Variants in DOCK2 observed in about 807,000 individuals in gnomAD.
DOCK2 encodes dedicator of cytokinesis 2, also known as dedicator of cytokinesis protein 2.
A neutral mutation model predicts 248.9 loss-of-function variants in DOCK2; 87 were observed. That is an observed-to-expected ratio of 0.35 (90% confidence interval 0.29 to 0.42). The LOEUF is 0.42. Ranked by LOEUF, DOCK2 falls within the 10% of genes least tolerant of loss-of-function variation. DOCK2 has a pLI of 1.00. For synonymous variants in DOCK2, 805 were observed against 821.6 expected, an observed-to-expected ratio of 0.98 and a Z score of 0.35; for missense variants, 1,747 against 2,300.2, an observed-to-expected ratio of 0.76 and a Z score of 4.92.
At chr5:169,664,561 T>A (rs1448164783) in intron 2 of DOCK2, among the ~76,000 whole-genome samples, 1 of 152,208 alleles carries the variant, frequency 6.6e-6, no homozygotes, top group Non-Finnish European at 1.5e-5. Flanking sequence ...GACTTGCAGT[T>A]CTGCATGGCT....
Position 169,764,658 on chromosome 5 carries a change from G to A in DOCK2, c.2554+3033G>A, listed in dbSNP as rs73320187. Among the ~76,000 whole-genome samples, 13,979 of 152,220 alleles carry A rather than the reference G, an allele frequency of 0.092. 1,139 individuals carry two copies. Among genetic ancestry groups the A allele is most frequent in the Admixed American group, 0.28 (4,227 of 15,272 alleles). On this transcript the variant is annotated intron_variant, in intron 25 of 51. Transcript: ENST00000520908. The surrounding 1 kb of genome is among the most constrained non-coding windows in gnomAD (Gnocchi z 4.3). ...AATTGTTATTATTGGTGTTGTGGTT[G>A]TTTTTCCTGCTGATCCCAATTTCCG...
At chr5:169,955,646 G>A (rs537634020) in intron 27 of DOCK2, among the ~76,000 whole-genome samples, 42 of 152,352 alleles carry the variant, frequency 2.8e-4, no homozygotes, top group Non-Finnish European at 5.4e-4. Context: ...TGCAGGAGAA[G>A]AAGGCAGGCA....
chr5:169,801,851 T>C (rs1394010183), intron 25 of DOCK2, among the ~76,000 whole-genome samples: 24 of 152,016 alleles, frequency 1.6e-4, no homozygotes. Flanking sequence ...CTGTCAGTTT[T>C]TAAGTACCTA....
intron 7 of DOCK2, among the ~76,000 whole-genome samples, chr5:169,683,137 C>A (rs573362454): frequency 1.3e-5 from 2 of 152,314 alleles, no homozygotes; most frequent in South Asian, 4.1e-4. Context: ...TCCTTTTGGG[C>A]AATACTTAGC....
At chr5:169,981,044 C>A (rs1195214136) in intron 27 of DOCK2, among the ~76,000 whole-genome samples, 3 of 152,130 alleles carry the variant, frequency 2.0e-5, no homozygotes, top group Non-Finnish European at 4.4e-5. Flanking sequence ...ATGACAGACC[C>A]CTTGCTTAGA....
chr5:169,916,255 A>G (rs1774870130), intron 27 of DOCK2, among the ~76,000 whole-genome samples: 1 of 152,202 alleles, frequency 6.6e-6, no homozygotes, highest in Non-Finnish European at 1.5e-5. Context: ...GTGGGACAAA[A>G]TAATTCTAGG....
chr5:170,006,721 G>T lies in DOCK2; in HGVS notation c.3073-1776G>T, dbSNP rs759395800. ...CAAAATGTAAACTGCGTGAGGCCAG[G>T]GATCGCTGTCTGTGTAACCACTGCT... On this transcript the variant is annotated intron_variant, in intron 30 of 51. Transcript: ENST00000520908. Among the ~76,000 whole-genome samples, 58 of 152,298 alleles carry T rather than the reference G, an allele frequency of 3.8e-4. No homozygotes were observed. The Middle Eastern group carries it at 0.02, about 54-fold the overall frequency.
At chr5:169,883,224 C>T (rs1368528859) in intron 27 of DOCK2, 2 of 1,551,582 alleles carry the variant, frequency 1.3e-6, no homozygotes, top group South Asian at 2.4e-5. Context: ...CTTCAGCTGA[C>T]CTGTCTGGGC....
At chr5:170,070,277 A>C (rs1006302052) in intron 46 of DOCK2, among the ~76,000 whole-genome samples, 2 of 152,260 alleles carry the variant, frequency 1.3e-5, no homozygotes, top group Non-Finnish European at 2.9e-5. Context: ...AAAGAAAAGC[A>C]AGCTTTTGTG....
At chr5:169,893,354 GA>G (rs558260233) in intron 27 of DOCK2, among the ~76,000 whole-genome samples, 2 of 152,248 alleles carry the variant, frequency 1.3e-5, no homozygotes, top group South Asian at 4.2e-4. Context: ...GCTTCTCATA[GA>G]AGAAAGGGCA....
intron 27 of DOCK2, among the ~76,000 whole-genome samples, chr5:169,971,933 A>G (rs530954498): frequency 1.3e-5 from 2 of 152,322 alleles, no homozygotes; most frequent in South Asian, 2.1e-4. Flanking sequence ...AATATGAAGC[A>G]GCAATTTCTC....
At chr5:169,970,385 G>T (rs1199025079) in intron 27 of DOCK2, among the ~76,000 whole-genome samples, 1 of 152,230 alleles carries the variant, frequency 6.6e-6, no homozygotes, top group African/African-American at 2.4e-5. Flanking sequence ...TTTATCCTGG[G>T]CATCTGGACA....
At position 169,801,164 on chromosome 5, in the gene DOCK2, T is replaced by G. The variant is rs796542671; in HGVS notation, c.2555-1894T>G. Among the ~76,000 whole-genome samples the G allele has an allele frequency of 9.5e-4, 100 of 105,042 alleles. 2 individuals carry two copies. The highest frequency in any genetic ancestry group is 4.4e-3 in the African/African-American group (90 of 20,658). The allele number at this position is 105,042 out of a possible 152,430, so 68.9% of individuals were successfully genotyped here. Reference sequence around the variant, plus strand: ...GTTTTGGGTTTTTTTTTTTTTTTTTTTTTTTTTTTTTTTTTTTAGTAGACT... The same window carrying G: ...GTTTTGGGTTTTTTTTTTTTTTTTTGTTTTTTTTTTTTTTTTTAGTAGACT... On this transcript the variant is annotated intron_variant, in intron 25 of 51. Coordinates refer to ENST00000520908, the MANE Select transcript of DOCK2 (RefSeq NM_004946.3).
intron 27 of DOCK2, among the ~76,000 whole-genome samples, chr5:169,944,297 C>G (rs1230924615): frequency 6.6e-6 from 1 of 152,180 alleles, no homozygotes; most frequent in Admixed American, 6.5e-5. Context: ...AAGGTGATGA[C>G]GGCAGTGTGG....
At chr5:169,965,143 G>A (rs1777249638) in intron 27 of DOCK2, among the ~76,000 whole-genome samples, 1 of 152,198 alleles carries the variant, frequency 6.6e-6, no homozygotes, top group African/African-American at 2.4e-5. Context: ...TGAGTGAAAG[G>A]GGAGGATTGC....
chr5:169,715,354 A>T (rs1216105725), intron 19 of DOCK2, among the ~76,000 whole-genome samples: 2 of 152,160 alleles, frequency 1.3e-5, no homozygotes, highest in African/African-American at 4.8e-5. Context: ...GATTATAGGA[A>T]ATATTGACCC....
intron 29 of DOCK2, among the ~76,000 whole-genome samples, chr5:169,994,859 G>A (rs906498939): frequency 6.6e-6 from 1 of 152,106 alleles, no homozygotes; most frequent in Non-Finnish European, 1.5e-5. Context: ...TCCTTTAGGG[G>A]AAGGAGCTTT....
intron 1 of DOCK2, 66 bp downstream of exon 1, chr5:169,637,435 A>C (rs1004651831): frequency 7.0e-6 from 9 of 1,294,892 alleles, no homozygotes; most frequent in Non-Finnish European, 7.8e-6. Context: ...GAGCAGGAGG[A>C]TGCTGCGGGG....
intron 27 of DOCK2, among the ~76,000 whole-genome samples, chr5:169,861,785 TA>T (rs1404729304): frequency 3.9e-5 from 6 of 152,204 alleles, no homozygotes. Context: ...TGATTTTAAA[TA>T]TCAATTTTTC....
Sources: allele counts gnomAD v4.1 joint callset (sites outside exome capture counted in the v4.1 genomes callset), GRCh38; gene constraint gnomAD v4.1.1; non-coding constraint Gnocchi (gnomAD v3.1); transcripts MANE v1.5; gene names NCBI Gene and HGNC (gene_info 2026-07-23, HGNC 2026-07-21).